The following ASCC3 variants were observed in gnomAD, a reference collection of about 807,000 sequenced individuals.
ASCC3 encodes ASC-1 complex subunit P200.
A neutral mutation model predicts 256.3 loss-of-function variants in ASCC3; 158 were observed. That is an observed-to-expected ratio of 0.62 (90% CI 0.54 to 0.70). The LOEUF (loss-of-function observed/expected upper bound fraction) is 0.70, where lower values mean the gene tolerates loss of function less well. Ranked by LOEUF, ASCC3 falls within the 30% of genes least tolerant of loss-of-function variation. ASCC3 has a pLI of 0.00. For missense variants in ASCC3, 2,259 were observed against 2,626.0 expected, an observed-to-expected ratio of 0.86 and a Z score of 3.05; for synonymous variants, 948 against 883.4, an observed-to-expected ratio of 1.07 and a Z score of -1.30.
At chr6:100,750,889 G>T (rs1293455923) in intron 10 of ASCC3, among the ~76,000 whole-genome samples, 1 of 151,974 alleles carries the variant, frequency 6.6e-6, no homozygotes, top group African/African-American at 2.4e-5. Flanking sequence ...CTCCAGAATT[G>T]TAATTCCCAA....
intron 30 of ASCC3, among the ~76,000 whole-genome samples, chr6:100,624,462 T>A (rs1774129681): frequency 6.6e-6 from 1 of 151,908 alleles, no homozygotes; most frequent in African/African-American, 2.4e-5. Flanking sequence ...AATATATCAA[T>A]AAGTTGCAAC....
chr6:100,738,190 T>C (rs1780270404), intron 10 of ASCC3, among the ~76,000 whole-genome samples: 1 of 152,240 alleles, frequency 6.6e-6, no homozygotes, highest in Non-Finnish European at 1.5e-5. Context: ...CTGAAAATAG[T>C]TTATTTTGCT....
intron 3 of ASCC3, among the ~76,000 whole-genome samples, chr6:100,852,269 G>C (rs1291190099): frequency 2.0e-5 from 3 of 152,168 alleles, no homozygotes; most frequent in Admixed American, 6.5e-5. Flanking sequence ...CAACAAAAAT[G>C]TAATTGGAAG....
chr6:100,832,461 T>C (rs1771667396), intron 4 of ASCC3, among the ~76,000 whole-genome samples: 1 of 152,038 alleles, frequency 6.6e-6, no homozygotes, highest in Non-Finnish European at 1.5e-5. Flanking sequence ...TGAAGTACTG[T>C]AGTAAGAAGA....
Position 100,800,290 on chromosome 6 carries a change from C to CT in ASCC3, c.1127+9dup, listed in dbSNP as rs771048052. The CT allele has an allele frequency of 6.2e-7, 1 of 1,612,188 alleles. No homozygotes were observed. The highest frequency in any genetic ancestry group is 8.5e-7 in the Non-Finnish European group (1 of 1,178,792). On this transcript the variant is annotated intron_variant, in intron 6 of 41. Coordinates refer to ENST00000369162, the MANE Select transcript of ASCC3 (RefSeq NM_006828.4). ...AACACAAGCATTTTTCAGCTCCTGGCTTTTATTACCTTTGTATCCGCAATT... is the reference window on the plus strand; with the variant it reads ...AACACAAGCATTTTTCAGCTCCTGGCTTTTTATTACCTTTGTATCCGCAATT...
intron 13 of ASCC3, among the ~76,000 whole-genome samples, chr6:100,685,669 T>G (rs1408259983): frequency 1.3e-5 from 2 of 152,236 alleles, no homozygotes; most frequent in Non-Finnish European, 2.9e-5. Context: ...GGGAAAACAG[T>G]GTTGTATGGT....
chr6:100,607,675 C>A (rs959793824), intron 30 of ASCC3, among the ~76,000 whole-genome samples: 2 of 151,652 alleles, frequency 1.3e-5, no homozygotes, highest in African/African-American at 4.8e-5. Context: ...ATAGTAAATA[C>A]TATTATTCAT....
intron 14 of ASCC3, among the ~76,000 whole-genome samples, chr6:100,668,744 G>A (rs1035611961): frequency 5.9e-5 from 9 of 151,822 alleles, no homozygotes; most frequent in African/African-American, 2.2e-4. Flanking sequence ...ACCCCAGAAT[G>A]CAAGGGCATT....
chr6:100,820,927 T>G (rs965395624), intron 4 of ASCC3, among the ~76,000 whole-genome samples: 2 of 152,200 alleles, frequency 1.3e-5, no homozygotes, highest in Non-Finnish European at 2.9e-5. Flanking sequence ...GAGATACTAC[T>G]TAACACCCAC....
At chr6:100,532,406 ATT>A (rs57203625) in intron 37 of ASCC3, among the ~76,000 whole-genome samples, 3,760 of 47,772 alleles carry the variant, frequency 0.079, 108 homozygotes, top group Non-Finnish European at 0.11. Context: ...ATATATATAT[ATT>A]TTTTTTTTTT....
intron 33 of ASCC3, among the ~76,000 whole-genome samples, chr6:100,602,462 C>T (rs1344881047): frequency 6.7e-6 from 1 of 149,182 alleles, no homozygotes; most frequent in Admixed American, 6.7e-5. Flanking sequence ...TACAAGCTGA[C>T]AAAAAAAAAG....
At chr6:100,741,406 T>A (rs1780427645) in intron 10 of ASCC3, among the ~76,000 whole-genome samples, 1 of 152,194 alleles carries the variant, frequency 6.6e-6, no homozygotes, top group Non-Finnish European at 1.5e-5. Context: ...TCTCTGCATT[T>A]CCAGAATTTG....
At chr6:100,809,029 C>T (rs1421405259) in intron 4 of ASCC3, among the ~76,000 whole-genome samples, 3 of 151,946 alleles carry the variant, frequency 2.0e-5, no homozygotes, top group African/African-American at 4.8e-5. Context: ...AGAGCACTTA[C>T]TATGAACGGA....
intron 4 of ASCC3, among the ~76,000 whole-genome samples, chr6:100,842,405 T>C (rs187635897): frequency 1.2e-3 from 187 of 152,294 alleles, no homozygotes; most frequent in Non-Finnish European, 2.1e-3. Flanking sequence ...ACTAAAACAT[T>C]ATTTAACTTT....
chr6:100,780,021 T>C (rs1244306832), intron 8 of ASCC3, among the ~76,000 whole-genome samples: 1 of 152,200 alleles, frequency 6.6e-6, no homozygotes, highest in Admixed American at 6.5e-5. Context: ...CCCAGTCTAA[T>C]TCATCACTGT....
At chr6:100,683,300 A>G (rs1438637664) in intron 13 of ASCC3, among the ~76,000 whole-genome samples, 2 of 152,144 alleles carry the variant, frequency 1.3e-5, no homozygotes, top group East Asian at 3.9e-4. Context: ...TGGAGAACAT[A>G]AGGGAAAACA....
At chr6:100,636,689 A>C (rs1184343712) in intron 25 of ASCC3, among the ~76,000 whole-genome samples, 2 of 152,346 alleles carry the variant, frequency 1.3e-5, no homozygotes, top group East Asian at 1.9e-4. Flanking sequence ...TTCTTGAAGG[A>C]AATGAAAAGT....
intron 30 of ASCC3, among the ~76,000 whole-genome samples, chr6:100,619,152 C>G (rs1357251011): frequency 6.6e-6 from 1 of 152,214 alleles, no homozygotes; most frequent in Admixed American, 6.5e-5. Flanking sequence ...GAACCAAGTA[C>G]TCAAGGTGTG....
intron 34 of ASCC3, among the ~76,000 whole-genome samples, chr6:100,594,343 T>C (rs1266301060): frequency 6.6e-6 from 1 of 152,118 alleles, no homozygotes; most frequent in Non-Finnish European, 1.5e-5. Flanking sequence ...ATAAGGATTA[T>C]TAAGGAAAAA....
Sources: allele counts gnomAD v4.1 joint callset (sites outside exome capture counted in the v4.1 genomes callset), GRCh38; gene constraint gnomAD v4.1.1; transcripts MANE v1.5; gene names NCBI Gene and HGNC (gene_info 2026-07-23, HGNC 2026-07-21).